The following ZNF699 variants were observed in gnomAD, a reference collection of about 807,000 sequenced individuals.
ZNF699 encodes hangover homolog.
Under a neutral mutation model 22.5 loss-of-function variants are expected in ZNF699, and 18 were observed. That is an observed-to-expected ratio of 0.80 (90% CI 0.55 to 1.19). The LOEUF is 1.19. Ranked by LOEUF, ZNF699 falls within the 50% of genes most tolerant of loss-of-function variation. ZNF699 has a pLI of 0.00. For synonymous variants in ZNF699, 241 were observed against 262.3 expected, an observed-to-expected ratio of 0.92 and a Z score of 0.78; for missense variants, 670 against 763.4, an observed-to-expected ratio of 0.88 and a Z score of 1.44.
In ZNF699 at chr19:9,292,271, G is replaced by C. The variant is rs142106582; in HGVS notation, c.*3204C>G. ...TAATCCAGTTTCTGGATAAGAACAG[G>C]CACTAACCCTAAACAAATGAGAGTA... On this transcript the variant is annotated 3_prime_UTR_variant, in exon 6 of 6. Coordinates refer to ENST00000591998, the MANE Select transcript of ZNF699 (RefSeq NM_198535.3). Among the ~76,000 whole-genome samples, 212 of 152,182 alleles carry C rather than the reference G, an allele frequency of 1.4e-3. 3 individuals carry two copies. Among genetic ancestry groups the C allele is most frequent in the African/African-American group, 4.9e-3 (202 of 41,516 alleles).
rs56161262 is a variant in ZNF699 at position 9,297,487 on chromosome 19, G to A, written c.287-8C>T. ...TAAGTTGAGTCTCAAAACCTGAAAC[G>A]AAAAAAAGTGAAAGCTTCCATGAGC... On this transcript the variant is annotated splice_polypyrimidine_tract_variant and splice_region_variant and intron_variant, in intron 4 of 5. Transcript: ENST00000591998. This position sits in a 1 kb window ranked among gnomAD's most constrained non-coding sequence, Gnocchi z 4.3. 0.1 allele frequency: 156,366 copies of A among 1,541,550 alleles called. 12,837 individuals carry two copies. Among genetic ancestry groups the A allele is most frequent in the African/African-American group, 0.45 (31,631 of 70,776 alleles).
In ZNF699 at chr19:9,295,403, G is replaced by A. The variant is rs1014530602; in HGVS notation, c.*72C>T. The A allele has an allele frequency of 4.0e-6, 6 of 1,505,376 alleles. No individual in the cohort carries two copies. The highest frequency in any genetic ancestry group is 4.4e-5 in the Admixed American group (2 of 45,946). 93.3% of individuals were successfully genotyped at this position (1,505,376 alleles called of 1,614,324 possible). On this transcript the variant is annotated 3_prime_UTR_variant, in exon 6 of 6. Coordinates refer to ENST00000591998, the MANE Select transcript of ZNF699 (RefSeq NM_198535.3). Reference sequence around the variant, plus strand: ...TCCTACTTTCTTACATTCATAGGGTGTCTCCACAGTATGAGATCTCACATG... The same window carrying A: ...TCCTACTTTCTTACATTCATAGGGTATCTCCACAGTATGAGATCTCACATG...
Position 9,295,258 on chromosome 19 carries a change from TTTC to T in ZNF699, c.*214_*216del. The T allele has an allele frequency of 1.8e-6, 1 of 550,416 alleles. No homozygotes were observed. Among genetic ancestry groups the T allele is most frequent in the Admixed American group, 3.6e-5 (1 of 27,952 alleles). The allele number at this position is 550,416 out of a possible 1,614,324, so 34.1% of individuals were successfully genotyped here. A position where few individuals can be genotyped will look rare whatever the true frequency, so the allele number is the denominator to read the frequency against. ...TTTAAGGATGAGGCACTGATCTTCA[TTTC>T]TAGTAGAGATTTTCTTATACATAAT... On this transcript the variant is annotated 3_prime_UTR_variant, in exon 6 of 6. Coordinates refer to ENST00000591998, the MANE Select transcript of ZNF699 (RefSeq NM_198535.3).
In ZNF699 at chr19:9,293,117, AG is replaced by A. The variant is rs1462651708; in HGVS notation, c.*2357del. ...GCCACTGCACTCCAACCTGGGCACA[AG>A]AGTCCGTCTCAAAAAAAAAAAAAAA... On this transcript the variant is annotated 3_prime_UTR_variant, in exon 6 of 6. Coordinates refer to ENST00000591998, the MANE Select transcript of ZNF699 (RefSeq NM_198535.3). Among the ~76,000 whole-genome samples, 1 of 149,250 alleles carries A rather than the reference AG, an allele frequency of 6.7e-6. No homozygotes were observed. Among genetic ancestry groups the A allele is most frequent in the Non-Finnish European group, 1.5e-5 (1 of 67,562 alleles).
intron 2 of ZNF699, among the ~76,000 whole-genome samples, chr19:9,303,456 C>T (rs761194685): frequency 1.3e-5 from 2 of 152,198 alleles, no homozygotes; most frequent in Admixed American, 6.5e-5. Flanking sequence ...TTACGAAGTA[C>T]ACAGATAAAA....
Position 9,302,480 on chromosome 19 carries a change from C to A in ZNF699, c.73G>T (p.Ala25Ser), listed in dbSNP as rs752174879. The stretch of plus-strand genomic sequence containing the variant: ...CATTCCTCCTGGGTAAAGTCCACAG[C>A]CACATCCTCAAAGACTACTGAGTCC... ...IQDSVVFEDV[A>S]VDFTQEEWAL... Residue 25 changes from alanine (A) to serine (S), a missense_variant, in exon 3 of 6, where the codon GCT becomes TCT. Transcript: ENST00000591998. The A allele has an allele frequency of 6.2e-7, 1 of 1,613,452 alleles. No homozygotes were observed. The highest frequency in any genetic ancestry group is 8.5e-7 in the Non-Finnish European group (1 of 1,179,610).
chr19:9,295,658 A>G lies in ZNF699; in HGVS notation c.1746T>C (p.Thr582=), dbSNP rs375299249. Residue 582 remains threonine (T), a synonymous_variant, in exon 6 of 6, where the codon ACT becomes ACC. Transcript: ENST00000591998. Reference sequence around the variant, plus strand: ...CCAGACATTCAAAGGGTTTCTCTCCAGTGTGCATTCTTGCATGTACAGTAA... The same window carrying G: ...CCAGACATTCAAAGGGTTTCTCTCCGGTGTGCATTCTTGCATGTACAGTAA... ...SYLTVHARMH[T]GEKPFECLEC... is the part of the protein sequence containing the mutation. 9.9e-6 allele frequency: 16 copies of G among 1,614,180 alleles called. No homozygotes were observed. The African/African-American group carries it at 1.9e-4, about 19-fold the overall frequency.
At chr19:9,304,921 CAAAAAAAAAA>C in intron 2 of ZNF699, 141 bp downstream of exon 2, 1 of 303,388 alleles carries the variant, frequency 3.3e-6, no homozygotes, top group Non-Finnish European at 5.6e-6. Flanking sequence ...GACTCTGTCT[CAAAAAAAAAA>C]AAAAAAAAAC....
At chr19:9,304,619 G>A (rs532618645) in intron 2 of ZNF699, among the ~76,000 whole-genome samples, 25 of 152,150 alleles carry the variant, frequency 1.6e-4, no homozygotes, top group Non-Finnish European at 3.2e-4. Context: ...TGGCAGAGCT[G>A]AATTGCAATA....
chr19:9,293,085 A>G lies in ZNF699; in HGVS notation c.*2390T>C, dbSNP rs973149679. On this transcript the variant is annotated 3_prime_UTR_variant, in exon 6 of 6. Transcript: ENST00000591998. ...CAGGAAGCGGAGATTGCAGTGAGCA[A>G]GATCACGCCACTGCACTCCAACCTG... Among the ~76,000 whole-genome samples the G allele has an allele frequency of 3.3e-5, 5 of 151,662 alleles. No individual in the cohort carries two copies. Among genetic ancestry groups the G allele is most frequent in the Admixed American group, 2.6e-4 (4 of 15,210 alleles).
At chr19:9,308,665 C>A (rs1343589316) in intron 1 of ZNF699, among the ~76,000 whole-genome samples, 2 of 152,148 alleles carry the variant, frequency 1.3e-5, no homozygotes, top group African/African-American at 4.8e-5. Flanking sequence ...AACCTACAAA[C>A]ACCTACAGCA....
In ZNF699 at chr19:9,291,162, G is replaced by A. The variant is rs575558729; in HGVS notation, c.*4313C>T. On this transcript the variant is annotated 3_prime_UTR_variant, in exon 6 of 6. Transcript: ENST00000591998. ...AAAGTTAAAGACAACCTAGGTAAAT[G>A]GACAATTATACCATATTCATCAACT... 3.9e-5 allele frequency among the ~76,000 whole-genome samples: 6 copies of A among 152,134 alleles called. No homozygotes were observed. In the East Asian group the frequency reaches 1.2e-3, roughly 29 times the overall value.
In ZNF699 at chr19:9,295,365, A is replaced by G. The variant is rs181318553; in HGVS notation, c.*110T>C. ...AAAGTGTCCTCAAATCTTCAAAACG[A>G]TGAGCAACAATTTCCTACTTTCTTA... On this transcript the variant is annotated 3_prime_UTR_variant, in exon 6 of 6. Transcript: ENST00000591998. 24 of 1,416,382 alleles carry G rather than the reference A, an allele frequency of 1.7e-5. No individual in the cohort carries two copies. In the African/African-American group the frequency reaches 3.2e-4, roughly 19 times the overall value. 87.7% of individuals were successfully genotyped at this position (1,416,382 alleles called of 1,614,324 possible). A position where few individuals can be genotyped will look rare whatever the true frequency, so the allele number is the denominator to read the frequency against.
At chr19:9,300,010 C>T (rs1599252129) in intron 3 of ZNF699, among the ~76,000 whole-genome samples, 1 of 152,280 alleles carries the variant, frequency 6.6e-6, no homozygotes, top group East Asian at 1.9e-4. Context: ...GGCACCACTA[C>T]ACACCTGTTA....
chr19:9,298,678 A>G (rs1248892069), intron 3 of ZNF699, among the ~76,000 whole-genome samples: 1 of 152,212 alleles, frequency 6.6e-6, no homozygotes, highest in Non-Finnish European at 1.5e-5. Flanking sequence ...AATTTTGTCT[A>G]AAGACTTTAT....
chr19:9,300,969 A>G (rs1340584040), intron 3 of ZNF699, among the ~76,000 whole-genome samples: 2 of 152,206 alleles, frequency 1.3e-5, no homozygotes, highest in African/African-American at 4.8e-5. Context: ...GTGTCAATGT[A>G]GCTTCATCAG....
chr19:9,306,604 G>C (rs987142470), intron 1 of ZNF699, among the ~76,000 whole-genome samples: 1 of 152,198 alleles, frequency 6.6e-6, no homozygotes, highest in Non-Finnish European at 1.5e-5. Flanking sequence ...ACTTTGCAAA[G>C]AAATGGCCAC....
At chr19:9,303,049 T>A (rs1318877061) in intron 2 of ZNF699, among the ~76,000 whole-genome samples, 1 of 151,934 alleles carries the variant, frequency 6.6e-6, no homozygotes, top group Non-Finnish European at 1.5e-5. Context: ...TAAATTTATC[T>A]CCCCACAATC....
rs1035007198 is a variant in ZNF699, at chr19:9,294,958, A to G, written c.*517T>C. 1.3e-5 allele frequency: 2 copies of G among 152,762 alleles called. No homozygotes were observed. Among genetic ancestry groups the G allele is most frequent in the African/African-American group, 4.8e-5 (2 of 41,460 alleles). The allele number at this position is 152,762 out of a possible 1,614,324, so 9.5% of individuals were successfully genotyped here. On this transcript the variant is annotated 3_prime_UTR_variant, in exon 6 of 6. Coordinates refer to ENST00000591998, the MANE Select transcript of ZNF699 (RefSeq NM_198535.3). Reference sequence around the variant, plus strand: ...TTGGTTTTTGGTTTGTCAATATTATATTGGTTTGTCAATATTATAACGACT... The same window carrying G: ...TTGGTTTTTGGTTTGTCAATATTATGTTGGTTTGTCAATATTATAACGACT...
Sources: gnomAD v4.1 joint callset for allele counts (sites outside exome capture counted in the v4.1 genomes callset) on GRCh38, gnomAD v4.1.1 for gene constraint, Gnocchi (gnomAD v3.1) non-coding constraint, MANE v1.5 for transcripts, NCBI Gene and HGNC (gene_info 2026-07-23, HGNC 2026-07-21) for gene names.